Variants in ZC3H3 observed in about 807,000 individuals in gnomAD.
ZC3H3 encodes zinc finger CCCH domain-containing protein 3.
In ZC3H3, 36 loss-of-function variants were observed where a neutral mutation model predicts 77.3. That is an observed-to-expected ratio of 0.47 (90% CI 0.36 to 0.61). ZC3H3 has a LOEUF of 0.61. Ranked by LOEUF, ZC3H3 falls within the 20% of genes least tolerant of loss-of-function variation. The probability of loss-of-function intolerance (pLI) is 0.00; values close to 1 mark genes in which losing one functional copy is unlikely to be tolerated. For synonymous variants in ZC3H3, 626 were observed against 555.2 expected, an observed-to-expected ratio of 1.13 and a Z score of -1.79; for missense variants, 1,331 against 1,312.2, an observed-to-expected ratio of 1.01 and a Z score of -0.22.
At chr8:143,457,085 T>C (rs992897221) in intron 9 of ZC3H3, among the ~76,000 whole-genome samples, 6 of 152,162 alleles carry the variant, frequency 3.9e-5, no homozygotes, top group African/African-American at 1.2e-4. Flanking sequence ...AAAGCACCTT[T>C]AACTAGCAAG....
In ZC3H3 at chr8:143,440,255, G is replaced by A. The variant is rs1451570630; in HGVS notation, c.2601C>T (p.Pro867=). 3 of 1,594,724 alleles carry A rather than the reference G, an allele frequency of 1.9e-6. No individual in the cohort carries two copies. In the South Asian group the frequency reaches 3.4e-5, roughly 18 times the overall value. ...PPHCPGGSAS[P]SSSKASSSSS... ...AGGAGGAGGAAGCCTTCGAGGATGA[G>A]GGAGAGGCTGACCCCCCTGGGCAGT... Residue 867 remains proline (P), a synonymous_variant, in exon 11 of 12, where the codon CCC becomes CCT. Coordinates refer to ENST00000262577, the MANE Select transcript of ZC3H3 (RefSeq NM_015117.3).
rs150127254 is a variant in ZC3H3, at chr8:143,517,060, C to T, written c.1562-9161G>A. Among the ~76,000 whole-genome samples the T allele has an allele frequency of 2.3e-3, 351 of 152,320 alleles. 2 individuals carry two copies. The highest frequency in any genetic ancestry group is 7.8e-3 in the African/African-American group (325 of 41,580). ...AGACGCAGCACCACCGAAGCCGCTG[C>T]CGCGGACTGTCAGAGCCCTATTAAA... On this transcript the variant is annotated intron_variant, in intron 3 of 11. Coordinates refer to ENST00000262577, the MANE Select transcript of ZC3H3 (RefSeq NM_015117.3).
At chr8:143,520,705 C>T (rs993971480) in intron 3 of ZC3H3, among the ~76,000 whole-genome samples, 10 of 152,178 alleles carry the variant, frequency 6.6e-5, no homozygotes, top group Non-Finnish European at 1.2e-4. Context: ...GCGTCCACCT[C>T]GAGACACCCC....
At chr8:143,528,791 T>A (rs540298580) in intron 3 of ZC3H3, among the ~76,000 whole-genome samples, 1 of 152,320 alleles carries the variant, frequency 6.6e-6, no homozygotes, top group African/African-American at 2.4e-5. Flanking sequence ...TGGGGCCTCC[T>A]GAGGGAGCGA....
At chr8:143,507,966 C>T in intron 3 of ZC3H3, 67 bp from the exon 4 acceptor site, 1 of 1,466,146 alleles carries the variant, frequency 6.8e-7, no homozygotes, top group Non-Finnish European at 9.1e-7. Context: ...TCAGAGAGGC[C>T]ACCCACAGTG....
intron 8 of ZC3H3, 24 bp from the exon 9 acceptor site, chr8:143,465,872 G>T: frequency 6.2e-7 from 1 of 1,602,360 alleles, no homozygotes. Context: ...CGGCAGTGAG[G>T]GCCAGCAGGC....
chr8:143,438,028 G>C lies in ZC3H3; in HGVS notation c.*28C>G. 6.2e-7 allele frequency: 1 copy of C among 1,607,020 alleles called. No individual in the cohort carries two copies. Among genetic ancestry groups the C allele is most frequent in the Non-Finnish European group, 8.5e-7 (1 of 1,177,040 alleles). On this transcript the variant is annotated 3_prime_UTR_variant, in exon 12 of 12. Coordinates refer to ENST00000262577, the MANE Select transcript of ZC3H3 (RefSeq NM_015117.3). ...TTCCTCTCCAAGGATGAGGGTCTGA[G>C]GTAGGTGCAGGCCGGTCCCTGGGGT...
intron 4 of ZC3H3, among the ~76,000 whole-genome samples, chr8:143,507,420 C>A (rs1821736047): frequency 6.6e-6 from 1 of 152,264 alleles, no homozygotes; most frequent in South Asian, 2.1e-4. Context: ...ATGGCGTGGG[C>A]CCTGACCGTC....
rs115265369 is a variant in ZC3H3 at position 143,534,736 on chromosome 8, T to C, written c.1561+1521A>G. Among the ~76,000 whole-genome samples, 1,032 of 152,182 alleles carry C rather than the reference T, an allele frequency of 6.8e-3. 14 individuals are homozygous for C. The highest frequency in any genetic ancestry group is 0.021 in the African/African-American group (885 of 41,504). The stretch of plus-strand genomic sequence containing the variant: ...AGATAAGCCCACGACCTAACCACCA[T>C]CCGGCCACCTCACTGTGGCCACCAG... On this transcript the variant is annotated intron_variant, in intron 3 of 11. Transcript: ENST00000262577.
intron 3 of ZC3H3, among the ~76,000 whole-genome samples, chr8:143,510,422 G>A (rs571760889): frequency 3.3e-5 from 5 of 152,350 alleles, no homozygotes; most frequent in Middle Eastern, 3.4e-3. Context: ...TGGGCAGCTC[G>A]GACAAGCTCA....
chr8:143,467,094 G>A lies in ZC3H3; in HGVS notation c.2175+1115C>T, dbSNP rs574234384. On this transcript the variant is annotated intron_variant, in intron 8 of 11. Coordinates refer to ENST00000262577, the MANE Select transcript of ZC3H3 (RefSeq NM_015117.3). Reference sequence around the variant, plus strand: ...TTCTAATTGTCTTTTAACTGCAGCCGCAGAGGGGAGAGGGGCTGGGGGCCG... The same window carrying A: ...TTCTAATTGTCTTTTAACTGCAGCCACAGAGGGGAGAGGGGCTGGGGGCCG... Among the ~76,000 whole-genome samples the A allele has an allele frequency of 2.3e-4, 35 of 152,264 alleles. No homozygotes were observed. In the South Asian group the frequency reaches 5.6e-3, roughly 24 times the overall value.
chr8:143,442,009 C>T (rs566299588), intron 9 of ZC3H3, among the ~76,000 whole-genome samples: 59 of 152,272 alleles, frequency 3.9e-4, no homozygotes, highest in African/African-American at 1.3e-3. Flanking sequence ...CTAGAGTGGC[C>T]GGAGTGCTTC....
At chr8:143,449,565 C>A (rs1819937149) in intron 9 of ZC3H3, among the ~76,000 whole-genome samples, 1 of 152,198 alleles carries the variant, frequency 6.6e-6, no homozygotes, top group African/African-American at 2.4e-5. Flanking sequence ...CCACTAAAAC[C>A]CCATCTCTAC....
chr8:143,489,941 T>C (rs532607282), intron 4 of ZC3H3, among the ~76,000 whole-genome samples: 11 of 152,280 alleles, frequency 7.2e-5, no homozygotes, highest in African/African-American at 2.2e-4. Flanking sequence ...CTACCCACTG[T>C]GGTCCCTGGG....
At chr8:143,523,223 G>T in intron 3 of ZC3H3, 1 of 774,872 alleles carries the variant, frequency 1.3e-6, no homozygotes, top group Non-Finnish European at 1.6e-6. Context: ...TGGACCACCT[G>T]GCCCCCACAC....
Position 143,493,303 on chromosome 8 carries a change from C to A in ZC3H3, c.1715+14443G>T, listed in dbSNP as rs1821257435. On this transcript the variant is annotated intron_variant, in intron 4 of 11. Coordinates refer to ENST00000262577, the MANE Select transcript of ZC3H3 (RefSeq NM_015117.3). This position sits in a 1 kb window ranked among gnomAD's most constrained non-coding sequence, Gnocchi z 4.8. ...GGGTCTAAGATCTCCAGGAAAAAGT[C>A]CCTCTCCCTTTGTCCGGAAAAAGTC... is the stretch of plus-strand genomic sequence containing the variant. 6.6e-6 allele frequency among the ~76,000 whole-genome samples: 1 copy of A among 152,242 alleles called. No individual in the cohort carries two copies. Among genetic ancestry groups the A allele is most frequent in the South Asian group, 2.1e-4 (1 of 4,832 alleles).
intron 9 of ZC3H3, among the ~76,000 whole-genome samples, chr8:143,458,836 C>T (rs1375908291): frequency 3.6e-5 from 5 of 138,118 alleles, no homozygotes; most frequent in Admixed American, 1.4e-4. Flanking sequence ...GAGCCCAGGA[C>T]ACAGCTGGGC....
At chr8:143,499,787 G>A (rs1277451228) in intron 4 of ZC3H3, among the ~76,000 whole-genome samples, 1 of 152,150 alleles carries the variant, frequency 6.6e-6, no homozygotes, top group African/African-American at 2.4e-5. Flanking sequence ...CAGGGCTTCA[G>A]CACTCTTGGC....
chr8:143,497,060 T>C (rs575512454), intron 4 of ZC3H3, among the ~76,000 whole-genome samples: 28 of 152,318 alleles, frequency 1.8e-4, no homozygotes, highest in African/African-American at 6.5e-4. Flanking sequence ...AAAGCAATAC[T>C]GCAAATGCGA....
Sources: gnomAD v4.1 joint callset for allele counts (sites outside exome capture counted in the v4.1 genomes callset) on GRCh38, gnomAD v4.1.1 for gene constraint, Gnocchi (gnomAD v3.1) non-coding constraint, MANE v1.5 for transcripts, NCBI Gene and HGNC (gene_info 2026-07-23, HGNC 2026-07-21) for gene names.